The following BRPF3 variants were observed in gnomAD, a reference collection of about 807,000 sequenced individuals.
The protein encoded by BRPF3 is bromodomain and PHD finger containing 3.
A neutral mutation model predicts 102.0 loss-of-function variants in BRPF3; 18 were observed. The ratio of observed to expected loss-of-function variants is 0.18; its 90% confidence interval spans 0.12 to 0.26. The LOEUF (loss-of-function observed/expected upper bound fraction) is 0.26. Ranked by LOEUF, BRPF3 falls within the 10% of genes least tolerant of loss-of-function variation. BRPF3 has a pLI of 1.00. For synonymous variants in BRPF3, 570 were observed against 614.2 expected (o/e 0.93, Z 1.06); for missense variants, 1,147 against 1,567.8 (o/e 0.73, Z 4.53).
Position 36,212,572 on chromosome 6 carries a change from GAAAAA to G in BRPF3, c.2482+1030_2482+1034del, listed in dbSNP as rs1013260246. On this transcript the variant is annotated intron_variant, in intron 7 of 12. Transcript: ENST00000357641. ...CCCAGTAGGCCAACAGCATCACCTA[GAAAAA>G]AAAAAAAAAAAAAAAAAGGTGTAGC... is the stretch of plus-strand genomic sequence containing the variant. 3.7e-3 allele frequency among the ~76,000 whole-genome samples: 165 copies of G among 44,978 alleles called. 3 individuals carry two copies. The highest frequency in any genetic ancestry group is 0.012 in the African/African-American group (154 of 13,384). 29.5% of individuals were successfully genotyped at this position (44,978 alleles called of 152,430 possible).
intron 1 of BRPF3, among the ~76,000 whole-genome samples, chr6:36,198,022 C>A (rs544073935): frequency 9.2e-5 from 14 of 151,852 alleles, no homozygotes; most frequent in Non-Finnish European, 1.9e-4. Context: ...CTTCTAGGGC[C>A]TCGGTGCCTT....
chr6:36,224,527 G>T (rs143387197), intron 10 of BRPF3, among the ~76,000 whole-genome samples: 19 of 152,328 alleles, frequency 1.2e-4, no homozygotes, highest in Non-Finnish European at 2.4e-4. Flanking sequence ...GCTGAGTGCC[G>T]TGCATCCAGG....
chr6:36,224,871 A>G (rs1768677614), intron 10 of BRPF3, among the ~76,000 whole-genome samples: 1 of 152,248 alleles, frequency 6.6e-6, no homozygotes, highest in Non-Finnish European at 1.5e-5. Context: ...AAGAAAATCA[A>G]AAGAAGAATG....
At position 36,231,633 on chromosome 6, in the gene BRPF3, T is replaced by C. The variant is rs1234794338; in HGVS notation, c.*1024T>C. 2 of 152,508 alleles carry C rather than the reference T, an allele frequency of 1.3e-5. No individual in the cohort carries two copies. Among genetic ancestry groups the C allele is most frequent in the Non-Finnish European group, 2.9e-5 (2 of 68,264 alleles). 9.4% of individuals were successfully genotyped at this position (152,508 alleles called of 1,614,324 possible). On this transcript the variant is annotated 3_prime_UTR_variant, in exon 13 of 13. Coordinates refer to ENST00000357641, the MANE Select transcript of BRPF3 (RefSeq NM_015695.3). ...TAAGCTTCACTCTCCACCACCTGGA[T>C]GGCATGGCGCCTGCCACCAAACATC... is the stretch of plus-strand genomic sequence containing the variant.
At chr6:36,225,195 C>T (rs1768689684) in intron 10 of BRPF3, 72 bp from the exon 11 acceptor site, 1 of 1,321,508 alleles carries the variant, frequency 7.6e-7, no homozygotes, top group African/African-American at 1.4e-5. Context: ...CAAGTGGAGG[C>T]CACAGGCAGG....
intron 2 of BRPF3, among the ~76,000 whole-genome samples, chr6:36,202,758 A>G (rs1338436963): frequency 2.0e-5 from 3 of 152,166 alleles, no homozygotes; most frequent in African/African-American, 7.2e-5. Context: ...GTCCTGTTCT[A>G]AGGGATGGAA....
At chr6:36,227,827 ACAGCTGCTTT>A (rs1402356772) in intron 11 of BRPF3, among the ~76,000 whole-genome samples, 1 of 152,230 alleles carries the variant, frequency 6.6e-6, no homozygotes, top group Non-Finnish European at 1.5e-5. Context: ...CCTAACCAGA[ACAGCTGCTTT>A]CAGCTGCTTA....
At chr6:36,211,173 T>C in intron 6 of BRPF3, 85 bp from the exon 7 acceptor site, 1 of 1,421,468 alleles carries the variant, frequency 7.0e-7, no homozygotes, top group Non-Finnish European at 9.5e-7. Flanking sequence ...AGAGAGAGTT[T>C]TGCATCCGAA....
intron 8 of BRPF3, among the ~76,000 whole-genome samples, chr6:36,217,422 T>G (rs769097498): frequency 6.6e-6 from 1 of 152,202 alleles, no homozygotes; most frequent in Non-Finnish European, 1.5e-5. Context: ...TAGTCTCTCT[T>G]GACACCACCC....
chr6:36,210,578 G>C lies in BRPF3; in HGVS notation c.2179+50G>C. The C allele has an allele frequency of 6.6e-7, 1 of 1,521,784 alleles. No homozygotes were observed. 94.3% of individuals were successfully genotyped at this position (1,521,784 alleles called of 1,614,324 possible). ...GGAGAGGGGCCAGGAGGAGGCACAG[G>C]AACAGAGTCTACAGAGTGAGGGATC... On this transcript the variant is annotated intron_variant, in intron 6 of 12. Transcript: ENST00000357641. This position sits in a 1 kb window ranked among gnomAD's most constrained non-coding sequence, Gnocchi z 4.7.
intron 11 of BRPF3, among the ~76,000 whole-genome samples, chr6:36,228,438 C>G (rs2127298346): frequency 6.6e-6 from 1 of 151,714 alleles, no homozygotes; most frequent in Admixed American, 6.5e-5. Context: ...CACATCATAC[C>G]CCCCTCTCCA....
rs776017623 is a variant in BRPF3 at position 36,200,904 on chromosome 6, G to A, written c.582G>A (p.Glu194=). Residue 194 remains glutamate (E), a synonymous_variant, in exon 2 of 13, where the codon GAG becomes GAA. Transcript: ENST00000357641. This position sits in a 1 kb window ranked among gnomAD's most constrained non-coding sequence, Gnocchi z 5.3. The part of the protein sequence containing the change: ...FELLVDRLEK[E]SYLESRSSGA... ...TGCTGGTAGACCGGCTTGAGAAAGAGTCATACTTGGAGAGTCGCAGCAGTG... is the reference window on the plus strand; with the variant it reads ...TGCTGGTAGACCGGCTTGAGAAAGAATCATACTTGGAGAGTCGCAGCAGTG... The A allele has an allele frequency of 6.2e-7, 1 of 1,614,200 alleles. No homozygotes were observed. The highest frequency in any genetic ancestry group is 8.5e-7 in the Non-Finnish European group (1 of 1,180,028).
Position 36,201,766 on chromosome 6 carries a change from T to TA in BRPF3, c.1445dup (p.Tyr482Ter). The TA allele has an allele frequency of 6.3e-7, 1 of 1,598,782 alleles. No individual in the cohort carries two copies. Among genetic ancestry groups the TA allele is most frequent in the Non-Finnish European group, 8.5e-7 (1 of 1,171,956 alleles). ...PMLAVPQIPSYRLNKICSGLS... is the reference protein window; with the variant it reads ...PMLAVPQIPS ...GCTTGCTGTCCCACAGATACCCTCT[T>TA]ACAGGTAAGCATGCCCAGAAGGGCT... The change falls in exon 2 of 13, where the codon TAC (tyrosine) becomes TAAC (stop). Residue 482 changes from tyrosine (Y) to a stop codon, truncating the protein, a stop_gained and frameshift_variant. Coordinates refer to ENST00000357641, the MANE Select transcript of BRPF3 (RefSeq NM_015695.3). LOFTEE classifies it high-confidence loss of function. The surrounding 1 kb of genome is among the most constrained non-coding windows in gnomAD (Gnocchi z 5.1).
At chr6:36,212,096 G>C (rs907078644) in intron 7 of BRPF3, among the ~76,000 whole-genome samples, 11 of 152,138 alleles carry the variant, frequency 7.2e-5, no homozygotes, top group African/African-American at 2.7e-4. Context: ...CAAGTAGAGA[G>C]GCCAGACTAT....
intron 8 of BRPF3, among the ~76,000 whole-genome samples, chr6:36,215,058 G>T (rs939984051): frequency 2.4e-4 from 36 of 152,074 alleles, no homozygotes; most frequent in African/African-American, 8.5e-4. Flanking sequence ...GGGTGGGGTG[G>T]GGTGAGGTGG....
At chr6:36,214,718 G>GA (rs1226508159) in intron 8 of BRPF3, among the ~76,000 whole-genome samples, 18 of 152,252 alleles carry the variant, frequency 1.2e-4, no homozygotes, top group Non-Finnish European at 1.6e-4. Context: ...GGCATTGGGG[G>GA]AAAAAATCAA....
chr6:36,230,302 T>G lies in BRPF3; in HGVS notation c.3435-124T>G. The G allele has an allele frequency of 1.2e-6, 1 of 855,106 alleles. No individual in the cohort carries two copies. The highest frequency in any genetic ancestry group is 1.8e-6 in the Non-Finnish European group (1 of 545,820). 53.0% of individuals were successfully genotyped at this position (855,106 alleles called of 1,614,324 possible). On this transcript the variant is annotated intron_variant, in intron 12 of 12. Transcript: ENST00000357641. This position sits in a 1 kb window ranked among gnomAD's most constrained non-coding sequence, Gnocchi z 5.4. ...TGGCCTCCTGCATGGAGTCCCCCAA[T>G]TTGCTTCCCTCTGCCCTGTACCCTC...
Position 36,201,308 on chromosome 6 carries a change from A to G in BRPF3, c.986A>G (p.Lys329Arg), listed in dbSNP as rs1157296147. The change falls in exon 2 of 13, where the codon AAG becomes AGG. Residue 329 changes from lysine to arginine, a missense_variant. Lys to Arg is a conservative substitution (Grantham distance 26, BLOSUM62 2). Around this residue, in one of 11 missense-constraint regions of BRPF3, gnomAD observed 44 missense variants for 101.4 expected, o/e 0.43. Coordinates refer to ENST00000357641, the MANE Select transcript of BRPF3 (RefSeq NM_015695.3). This position sits in a 1 kb window ranked among gnomAD's most constrained non-coding sequence, Gnocchi z 5.1. Reference protein sequence around the residue: ...ARWKLTCYICKQKGLGAAIQC... With the variant: ...ARWKLTCYICRQKGLGAAIQC... Reference sequence around the variant, plus strand: ...TGGAAACTAACCTGCTATATCTGCAAGCAGAAAGGGCTAGGTGCAGCCATC... The same window carrying G: ...TGGAAACTAACCTGCTATATCTGCAGGCAGAAAGGGCTAGGTGCAGCCATC... The G allele has an allele frequency of 1.9e-6, 3 of 1,614,198 alleles. No individual in the cohort carries two copies. In the South Asian group the frequency reaches 3.3e-5, roughly 18 times the overall value.
intron 8 of BRPF3, 132 bp from the exon 9 acceptor site, chr6:36,217,785 T>C: frequency 1.5e-6 from 1 of 653,476 alleles, no homozygotes; most frequent in Non-Finnish European, 2.6e-6. Flanking sequence ...CCAAGACCCA[T>C]TTCTCACAGG....
Sources: gnomAD v4.1 joint callset for allele counts (sites outside exome capture counted in the v4.1 genomes callset) on GRCh38, gnomAD v4.1.1 for gene constraint, gnomAD v4.1.1 regional missense constraint, Gnocchi (gnomAD v3.1) non-coding constraint, MANE v1.5 for transcripts, NCBI Gene and HGNC (gene_info 2026-07-23, HGNC 2026-07-21) for gene names.